Variants in FHIT observed in about 807,000 individuals in gnomAD.
The protein encoded by FHIT is bis(5'-adenosyl)-triphosphatase.
In FHIT, 19 loss-of-function variants were observed where a neutral mutation model predicts 17.9. That is an observed-to-expected ratio of 1.06 (90% confidence interval 0.74 to 1.56). FHIT has a LOEUF of 1.56. FHIT is among the 40% of genes most tolerant of loss of function. The pLI is 0.00. For synonymous variants in FHIT, 81 were observed against 69.7 expected, an observed-to-expected ratio of 1.16 and a Z score of -0.81; for missense variants, 248 against 189.2, an observed-to-expected ratio of 1.31 and a Z score of -1.82.
intron 4 of FHIT, among the ~76,000 whole-genome samples, chr3:60,735,197 C>G (rs1458705330): frequency 6.6e-6 from 1 of 152,154 alleles, no homozygotes; most frequent in Non-Finnish European, 1.5e-5. Flanking sequence ...AGACAGGAAA[C>G]CAGTAAATGA....
chr3:60,980,166 A>G (rs1710433999), intron 3 of FHIT, among the ~76,000 whole-genome samples: 2 of 152,238 alleles, frequency 1.3e-5, no homozygotes, highest in South Asian at 4.1e-4. Context: ...TTTAGAAAAC[A>G]TTCCATCTCC....
At chr3:60,393,796 G>T (rs890300274) in intron 5 of FHIT, among the ~76,000 whole-genome samples, 1 of 152,060 alleles carries the variant, frequency 6.6e-6, no homozygotes. Flanking sequence ...ACATGGCAAC[G>T]ATTGCATGGT....
chr3:60,217,567 CAGT>C lies in FHIT; in HGVS notation c.104-203418_104-203416del, dbSNP rs536105429. On this transcript the variant is annotated intron_variant, in intron 5 of 9. Coordinates refer to ENST00000492590, the MANE Select transcript of FHIT (RefSeq NM_002012.4). The stretch of plus-strand genomic sequence containing the variant: ...CTAACACCCCCTTTCTAAATCCAAT[CAGT>C]GGTCCCCCTTCCTTGTAGAATAAAA... 1.5e-3 allele frequency among the ~76,000 whole-genome samples: 229 copies of C among 152,290 alleles called. 1 individual carries two copies. Among genetic ancestry groups the C allele is most frequent in the Middle Eastern group, 6.8e-3 (2 of 294 alleles).
chr3:60,143,070 C>G (rs1453639288), intron 5 of FHIT, among the ~76,000 whole-genome samples: 1 of 152,070 alleles, frequency 6.6e-6, no homozygotes, highest in African/African-American at 2.4e-5. Flanking sequence ...GCACAATTTT[C>G]AATATTCGTG....
At chr3:60,379,895 A>G (rs1050877079) in intron 5 of FHIT, among the ~76,000 whole-genome samples, 3 of 152,214 alleles carry the variant, frequency 2.0e-5, no homozygotes, top group Non-Finnish European at 4.4e-5. Flanking sequence ...TTTGACCAGT[A>G]GTATCTCTAG....
intron 2 of FHIT, among the ~76,000 whole-genome samples, chr3:61,133,823 C>A (rs186472443): frequency 3.9e-5 from 6 of 152,128 alleles, no homozygotes; most frequent in African/African-American, 1.4e-4. Context: ...GTGGCTCATG[C>A]CTGTAATAAT....
chr3:60,649,885 G>A (rs566156381), intron 4 of FHIT, among the ~76,000 whole-genome samples: 57 of 152,248 alleles, frequency 3.7e-4, no homozygotes, highest in African/African-American at 1.3e-3. Flanking sequence ...CAAAGCAGAC[G>A]TCAACCAGGG....
intron 5 of FHIT, among the ~76,000 whole-genome samples, chr3:60,529,977 C>A (rs1267709615): frequency 1.3e-5 from 2 of 152,052 alleles, no homozygotes; most frequent in Non-Finnish European, 2.9e-5. Context: ...GACTCTACAG[C>A]CTTTATGCAA....
At chr3:59,985,891 C>G (rs1198326928) in intron 7 of FHIT, among the ~76,000 whole-genome samples, 1 of 151,882 alleles carries the variant, frequency 6.6e-6, no homozygotes, top group Admixed American at 6.6e-5. Flanking sequence ...CTACTTGACA[C>G]TTAGGATACA....
chr3:60,471,847 T>C (rs554235873), intron 5 of FHIT, among the ~76,000 whole-genome samples: 2 of 152,042 alleles, frequency 1.3e-5, no homozygotes, highest in Non-Finnish European at 2.9e-5. Flanking sequence ...GTAAAAAGCC[T>C]TCACGCTAAG....
At chr3:60,597,587 A>G (rs1436464162) in intron 4 of FHIT, among the ~76,000 whole-genome samples, 5 of 152,114 alleles carry the variant, frequency 3.3e-5, no homozygotes, top group Non-Finnish European at 5.9e-5. Flanking sequence ...TTCAGTCTCT[A>G]GGAGGACCCA....
At chr3:61,060,684 C>T (rs965606877) in intron 2 of FHIT, among the ~76,000 whole-genome samples, 5 of 152,232 alleles carry the variant, frequency 3.3e-5, no homozygotes, top group Admixed American at 6.5e-5. Flanking sequence ...GAGACTTTGG[C>T]TTCTTGCTTG....
At chr3:60,505,363 C>G (rs1192358142) in intron 5 of FHIT, among the ~76,000 whole-genome samples, 6 of 152,110 alleles carry the variant, frequency 3.9e-5, no homozygotes, top group Non-Finnish European at 7.3e-5. Context: ...CTTCTTTCAG[C>G]ATCTGTGTAA....
intron 8 of FHIT, among the ~76,000 whole-genome samples, chr3:59,788,881 G>GTTTTTTTTTTTTGTTTT (rs60361063): frequency 1.2e-5 from 1 of 86,804 alleles, no homozygotes; most frequent in Non-Finnish European, 2.0e-5. Context: ...GAGTTCATAT[G>GTTTTTTTTTTTTGTTTT]TTTTTTTTTT....
In FHIT at chr3:59,803,334, C is replaced by T. The variant is rs190206998; in HGVS notation, c.349-51013G>A. Among the ~76,000 whole-genome samples the T allele has an allele frequency of 9.2e-5, 14 of 152,236 alleles. No homozygotes were observed. In the East Asian group the frequency reaches 1.7e-3, roughly 19 times the overall value. Reference sequence around the variant, plus strand: ...AGAATGAGGACCTTACAGGCGAGCACGGGGCCAGCGAAGGATTCTGTTTTA... The same window carrying T: ...AGAATGAGGACCTTACAGGCGAGCATGGGGCCAGCGAAGGATTCTGTTTTA... On this transcript the variant is annotated intron_variant, in intron 8 of 9. Coordinates refer to ENST00000492590, the MANE Select transcript of FHIT (RefSeq NM_002012.4).
At chr3:60,679,794 G>T (rs1353214780) in intron 4 of FHIT, among the ~76,000 whole-genome samples, 2 of 151,506 alleles carry the variant, frequency 1.3e-5, no homozygotes, top group Admixed American at 1.3e-4. Flanking sequence ...CACTACATTT[G>T]CCAACTAGCT....
chr3:60,073,983 A>G (rs558151090), intron 5 of FHIT, among the ~76,000 whole-genome samples: 5 of 152,164 alleles, frequency 3.3e-5, no homozygotes, highest in Non-Finnish European at 5.9e-5. Context: ...ATACTGTCAC[A>G]TTCCTTTGAT....
At chr3:60,319,192 G>T (rs560968834) in intron 5 of FHIT, among the ~76,000 whole-genome samples, 24 of 152,170 alleles carry the variant, frequency 1.6e-4, no homozygotes, top group African/African-American at 5.8e-4. Context: ...ATACTTGGGG[G>T]CCATCACTCA....
At chr3:60,634,113 C>T (rs1003581732) in intron 4 of FHIT, among the ~76,000 whole-genome samples, 17 of 152,276 alleles carry the variant, frequency 1.1e-4, no homozygotes, top group Middle Eastern at 3.4e-3. Flanking sequence ...TTGGCCATGT[C>T]CTGACTCCTC....
Sources: gnomAD v4.1 joint callset for allele counts (sites outside exome capture counted in the v4.1 genomes callset) on GRCh38, gnomAD v4.1.1 for gene constraint, MANE v1.5 for transcripts, NCBI Gene and HGNC (gene_info 2026-07-23, HGNC 2026-07-21) for gene names.